Variants in SEMA3C observed in about 807,000 individuals in gnomAD.
SEMA3C encodes the protein semaphorin 3C.
Under a neutral mutation model 89.4 loss-of-function variants are expected in SEMA3C, and 47 were observed. The observed-to-expected ratio is 0.53, with a 90% CI of 0.42 to 0.67. SEMA3C has a LOEUF of 0.67. Among genes scored for constraint, SEMA3C ranks in the 30% least tolerant of loss-of-function variants. SEMA3C has a pLI of 0.00. For missense variants in SEMA3C, 839 were observed against 929.1 expected (o/e 0.90, Z 1.26); for synonymous variants, 310 against 320.2 (o/e 0.97, Z 0.34).
chr7:80,836,818 T>C (rs2115855974), intron 2 of SEMA3C, among the ~76,000 whole-genome samples: 1 of 152,268 alleles, frequency 6.6e-6, no homozygotes, highest in East Asian at 1.9e-4. Context: ...CTCGCCCTGG[T>C]TTGCCCCAGA....
intron 2 of SEMA3C, among the ~76,000 whole-genome samples, chr7:80,895,501 CTA>C (rs1311921257): frequency 6.6e-6 from 1 of 152,132 alleles, no homozygotes; most frequent in Non-Finnish European, 1.5e-5. Context: ...TTTCTTGACT[CTA>C]GACTTAACAA....
chr7:80,823,786 A>T (rs188673310), intron 4 of SEMA3C, among the ~76,000 whole-genome samples: 2 of 152,122 alleles, frequency 1.3e-5, no homozygotes, highest in Non-Finnish European at 2.9e-5. Flanking sequence ...TTTACATAGT[A>T]CATCCATTAA....
At chr7:80,843,871 T>C (rs1482801476) in intron 2 of SEMA3C, among the ~76,000 whole-genome samples, 2 of 152,184 alleles carry the variant, frequency 1.3e-5, no homozygotes, top group Admixed American at 6.6e-5. Context: ...TCTTACTCTT[T>C]ACCCAGTCTG....
At chr7:80,808,713 CAA>C (rs1789397982) in intron 6 of SEMA3C, among the ~76,000 whole-genome samples, 1 of 151,994 alleles carries the variant, frequency 6.6e-6, no homozygotes, top group Non-Finnish European at 1.5e-5. Flanking sequence ...TAAAAAAAAG[CAA>C]AGAGGAAAAG....
intron 2 of SEMA3C, among the ~76,000 whole-genome samples, chr7:80,893,969 T>C (rs1201689992): frequency 6.6e-6 from 1 of 152,194 alleles, no homozygotes; most frequent in Non-Finnish European, 1.5e-5. Flanking sequence ...TCCTCTACTT[T>C]AATTACCATT....
chr7:80,782,779 A>G (rs1234234620), intron 12 of SEMA3C, among the ~76,000 whole-genome samples: 2 of 152,310 alleles, frequency 1.3e-5, no homozygotes, highest in South Asian at 2.1e-4. Context: ...AATCAAACCC[A>G]TATCCCTGCC....
intron 12 of SEMA3C, among the ~76,000 whole-genome samples, chr7:80,772,462 T>A (rs1005623359): frequency 1.5e-4 from 23 of 152,228 alleles, no homozygotes; most frequent in Non-Finnish European, 3.1e-4. Context: ...TCTCACATGG[T>A]AAGCTTTGAA....
intron 2 of SEMA3C, among the ~76,000 whole-genome samples, chr7:80,879,609 TAG>T (rs1791286484): frequency 6.6e-6 from 1 of 152,182 alleles, no homozygotes; most frequent in South Asian, 2.1e-4. Flanking sequence ...AGTTATGCTA[TAG>T]AGTCTATGTT....
chr7:80,884,266 T>C (rs536693995), intron 2 of SEMA3C, among the ~76,000 whole-genome samples: 10 of 152,328 alleles, frequency 6.6e-5, no homozygotes, highest in African/African-American at 2.4e-4. Flanking sequence ...TTCCACATTT[T>C]ATAGGTAATC....
chr7:80,798,186 T>A lies in SEMA3C; in HGVS notation c.1037A>T (p.Gln346Leu), dbSNP rs1423451284. 1.9e-6 allele frequency: 3 copies of A among 1,593,066 alleles called. No homozygotes were observed. The highest frequency in any genetic ancestry group is 2.6e-6 in the Non-Finnish European group (3 of 1,171,940). ...GGCAAAAGGCCCATTAAACACAGTCTGTATATCAGATAAATGATACACACA... is the reference window on the plus strand; with the variant it reads ...GGCAAAAGGCCCATTAAACACAGTCAGTATATCAGATAAATGATACACACA... ...AVCVYHLSDI[Q>L]TVFNGPFAHK... The change falls in exon 11 of 18, where the codon CAG (glutamine) becomes CTG (leucine). Residue 346 changes from glutamine to leucine, a missense_variant. Gln to Leu is a moderately radical substitution (Grantham distance 113). Coordinates refer to ENST00000265361, the MANE Select transcript of SEMA3C (RefSeq NM_006379.5).
intron 12 of SEMA3C, among the ~76,000 whole-genome samples, chr7:80,773,467 C>T (rs550740422): frequency 3.3e-5 from 5 of 152,184 alleles, no homozygotes; most frequent in Admixed American, 3.3e-4. Flanking sequence ...GTAATTGATA[C>T]TAGAGTACTT....
chr7:80,887,352 T>C (rs554495508), intron 2 of SEMA3C, among the ~76,000 whole-genome samples: 3 of 152,294 alleles, frequency 2.0e-5, no homozygotes, highest in Non-Finnish European at 2.9e-5. Context: ...ATTGAAACTT[T>C]ATGTGAGTTT....
intron 2 of SEMA3C, among the ~76,000 whole-genome samples, chr7:80,860,096 T>C (rs1331953707): frequency 2.0e-5 from 3 of 152,158 alleles, no homozygotes; most frequent in African/African-American, 4.8e-5. Flanking sequence ...TTTAGTAATA[T>C]GTATGCTTAG....
rs754994043 is a variant in SEMA3C, at chr7:80,888,724, CTTATAGACA to C, written c.103+27946_103+27954del. Among the ~76,000 whole-genome samples, 29 of 151,960 alleles carry C rather than the reference CTTATAGACA, an allele frequency of 1.9e-4. No individual in the cohort carries two copies. The South Asian group carries it at 5.6e-3, about 29-fold the overall frequency. Reference sequence around the variant, plus strand: ...TACCAAGATTTTATATACAGTTTTCCTTATAGACATTATAGACATTTAAAATATTATAAC... The same window carrying C: ...TACCAAGATTTTATATACAGTTTTCCTTATAGACATTTAAAATATTATAAC... On this transcript the variant is annotated intron_variant, in intron 2 of 17. Transcript: ENST00000265361.
chr7:80,781,637 T>A (rs958425225), intron 12 of SEMA3C, among the ~76,000 whole-genome samples: 1 of 152,156 alleles, frequency 6.6e-6, no homozygotes, highest in Admixed American at 6.5e-5. Flanking sequence ...ATTCTTCTCC[T>A]TGGGACAAAG....
At chr7:80,749,983 C>T (rs1487045688) in intron 16 of SEMA3C, among the ~76,000 whole-genome samples, 1 of 152,054 alleles carries the variant, frequency 6.6e-6, no homozygotes, top group African/African-American at 2.4e-5. Flanking sequence ...GAAATGGTAA[C>T]TTGAATTTAT....
upstream of SEMA3C, among the ~76,000 whole-genome samples, chr7:80,921,296 G>T (rs918176068): frequency 1.3e-5 from 2 of 152,122 alleles, no homozygotes; most frequent in East Asian, 3.9e-4. Context: ...GCTCTGAGAC[G>T]TTTACAGTTG....
chr7:80,904,758 A>C (rs1231977657), intron 2 of SEMA3C, among the ~76,000 whole-genome samples: 6 of 152,164 alleles, frequency 3.9e-5, no homozygotes, highest in Admixed American at 3.9e-4. Flanking sequence ...GGTTAAAGTC[A>C]CCTGGACAGT....
chr7:80,751,754 CTTGT>C (rs1787941524), intron 15 of SEMA3C, among the ~76,000 whole-genome samples: 1 of 152,138 alleles, frequency 6.6e-6, no homozygotes, highest in South Asian at 2.1e-4. Flanking sequence ...AATAAACATA[CTTGT>C]TTCTTACAAA....
Sources: gnomAD v4.1 joint callset for allele counts (sites outside exome capture counted in the v4.1 genomes callset) on GRCh38, gnomAD v4.1.1 for gene constraint, MANE v1.5 for transcripts, NCBI Gene and HGNC (gene_info 2026-07-23, HGNC 2026-07-21) for gene names.